Variants in FAHD2A observed in about 807,000 individuals in gnomAD.
The protein encoded by FAHD2A is oxaloacetate tautomerase FAHD2A, mitochondrial.
FAHD2A carries 27 observed loss-of-function variants against 33.4 expected under a neutral mutation model. The observed-to-expected ratio is 0.81, with a 90% CI of 0.60 to 1.11. FAHD2A has a LOEUF of 1.11. Among genes scored for constraint, FAHD2A ranks in the 50% most tolerant of loss-of-function variants. The pLI is 0.00. For missense variants in FAHD2A, 296 were observed against 395.0 expected (o/e 0.75, Z 2.12); for synonymous variants, 130 against 153.3 (o/e 0.85, Z 1.12).
chr2:95,414,104 A>C lies in FAHD2A; in HGVS notation c.*1147A>C, dbSNP rs1682924159. On this transcript the variant is annotated 3_prime_UTR_variant, in exon 8 of 8. Coordinates refer to ENST00000233379, the MANE Select transcript of FAHD2A (RefSeq NM_016044.3). Reference sequence around the variant, plus strand: ...TCTCTCCTCTTGTTTAAAGAAGCCCAGGGAGGGATAGATCTCCGACTGGAC... The same window carrying C: ...TCTCTCCTCTTGTTTAAAGAAGCCCCGGGAGGGATAGATCTCCGACTGGAC... 1 of 1,449,470 alleles carries C rather than the reference A, an allele frequency of 6.9e-7. No homozygotes were observed. Among genetic ancestry groups the C allele is most frequent in the East Asian group, 2.3e-5 (1 of 43,988 alleles). The allele number at this position is 1,449,470 out of a possible 1,614,324, so 89.8% of individuals were successfully genotyped here.
chr2:95,419,715 A>C (rs570950735), downstream of FAHD2A, among the ~76,000 whole-genome samples: 131 of 152,162 alleles, frequency 8.6e-4, no homozygotes, highest in Non-Finnish European at 1.0e-4. Flanking sequence ...AGTTCTCCAG[A>C]GAAACAGAAT....
At chr2:95,405,987 G>C (rs576445635) in intron 2 of FAHD2A, among the ~76,000 whole-genome samples, 184 bp downstream of exon 2, 1 of 151,950 alleles carries the variant, frequency 6.6e-6, no homozygotes, top group African/African-American at 2.4e-5. Flanking sequence ...TCAGTTTTCA[G>C]AGGAGAAAAC....
intron 1 of FAHD2A, among the ~76,000 whole-genome samples, chr2:95,403,869 C>T (rs560220996): frequency 3.3e-5 from 5 of 152,332 alleles, no homozygotes; most frequent in East Asian, 1.9e-4. Flanking sequence ...TGGCATTCAG[C>T]GGCAGCAGTT....
intron 3 of FAHD2A, among the ~76,000 whole-genome samples, chr2:95,409,273 T>C (rs1011734693): frequency 6.6e-6 from 1 of 152,144 alleles, no homozygotes; most frequent in African/African-American, 2.4e-5. Flanking sequence ...GATCCTGTGG[T>C]CATCCTGACT....
At position 95,412,901 on chromosome 2, in the gene FAHD2A, G is replaced by C; in HGVS notation, c.889G>C (p.Asp297His). The C allele has an allele frequency of 6.2e-7, 1 of 1,614,238 alleles. No individual in the cohort carries two copies. The highest frequency in any genetic ancestry group is 8.5e-7 in the Non-Finnish European group (1 of 1,180,052). The part of the protein sequence containing the change: ...RKPPVFLKKG[D>H]EVQCEIEELG... ...ATGGCCTGCTCTGTTGCAGAAGGGG[G>C]ATGAAGTCCAGTGTGAGATTGAAGA... Residue 297 changes from aspartate to histidine, a missense_variant, in exon 8 of 8, where the codon GAT becomes CAT. Asp to His is a moderately conservative substitution (Grantham distance 81, BLOSUM62 -1). Transcript: ENST00000233379.
At position 95,415,339 on chromosome 2, in the gene FAHD2A, A is replaced by C. The variant is rs991252744; in HGVS notation, c.*2382A>C. On this transcript the variant is annotated 3_prime_UTR_variant, in exon 8 of 8. Transcript: ENST00000233379. ...CCTCACTAACACCCGAGAAGCCCAGACTTCCCAGTGTTTAGCAACAGATTA... is the reference window on the plus strand; with the variant it reads ...CCTCACTAACACCCGAGAAGCCCAGCCTTCCCAGTGTTTAGCAACAGATTA... The C allele has an allele frequency of 6.6e-6, 1 of 152,094 alleles. No homozygotes were observed. Among genetic ancestry groups the C allele is most frequent in the Non-Finnish European group, 1.5e-5 (1 of 68,026 alleles). The allele number at this position is 152,094 out of a possible 1,614,324, so 9.4% of individuals were successfully genotyped here. A position where few individuals can be genotyped will look rare whatever the true frequency, so the allele number is the denominator to read the frequency against.
At position 95,413,725 on chromosome 2, in the gene FAHD2A, C is replaced by A; in HGVS notation, c.*768C>A. Reference sequence around the variant, plus strand: ...ATGCTGCCTCAAAGCAGCCCCAATACCCCACCTAGAAGGATGAGCCAGTGA... The same window carrying A: ...ATGCTGCCTCAAAGCAGCCCCAATAACCCACCTAGAAGGATGAGCCAGTGA... On this transcript the variant is annotated 3_prime_UTR_variant, in exon 8 of 8. Coordinates refer to ENST00000233379, the MANE Select transcript of FAHD2A (RefSeq NM_016044.3). 1.2e-6 allele frequency: 1 copy of A among 806,106 alleles called. No homozygotes were observed. Among genetic ancestry groups the A allele is most frequent in the Non-Finnish European group, 2.0e-6 (1 of 512,262 alleles). The allele number at this position is 806,106 out of a possible 1,614,324, so 49.9% of individuals were successfully genotyped here.
rs1461280771 is a variant in FAHD2A at position 95,414,119 on chromosome 2, T to C, written c.*1162T>C. 3.4e-6 allele frequency: 5 copies of C among 1,483,870 alleles called. No individual in the cohort carries two copies. The highest frequency in any genetic ancestry group is 1.8e-5 in the Admixed American group (1 of 55,212). 91.9% of individuals were successfully genotyped at this position (1,483,870 alleles called of 1,614,324 possible). A position where few individuals can be genotyped will look rare whatever the true frequency, so the allele number is the denominator to read the frequency against. On this transcript the variant is annotated 3_prime_UTR_variant, in exon 8 of 8. Coordinates refer to ENST00000233379, the MANE Select transcript of FAHD2A (RefSeq NM_016044.3). ...AAAGAAGCCCAGGGAGGGATAGATC[T>C]CCGACTGGACAGAAGACTACTCTGC...
chr2:95,406,587 T>C (rs1394165103), intron 2 of FAHD2A, among the ~76,000 whole-genome samples: 1 of 152,020 alleles, frequency 6.6e-6, no homozygotes, highest in Admixed American at 6.5e-5. Context: ...TAGTATGCTA[T>C]CATTTGCATA....
chr2:95,417,800 TTTATC>T (rs768620295), downstream of FAHD2A, among the ~76,000 whole-genome samples: 26 of 152,160 alleles, frequency 1.7e-4, no homozygotes, highest in East Asian at 5.8e-4. Flanking sequence ...AGTTTCATAT[TTTATC>T]TTATAAGGGC....
intron 5 of FAHD2A, 57 bp downstream of exon 5, chr2:95,411,083 C>A: frequency 1.3e-6 from 2 of 1,598,458 alleles, no homozygotes; most frequent in Non-Finnish European, 1.7e-6. Flanking sequence ...AACAGCGCTT[C>A]AGGGAGGAGC....
rs1219945136 is a variant in FAHD2A at position 95,410,578 on chromosome 2, C to T, written c.514C>T (p.His172Tyr). Residue 172 changes from histidine (H) to tyrosine (Y), a missense_variant, in exon 4 of 8, where the codon CAC (histidine) becomes TAC (tyrosine). By Grantham distance (83) the His-to-Tyr change is moderately conservative. Coordinates refer to ENST00000233379, the MANE Select transcript of FAHD2A (RefSeq NM_016044.3). ...CGTGGTCATTGGAAAGAAAGGCAAG[C>T]ACATCAAGGTGAGGTGGAAAGGGTG... ...LAVVIGKKGK[H>Y]IKATDAMAHV... The T allele has an allele frequency of 6.2e-7, 1 of 1,613,396 alleles. No homozygotes were observed. The highest frequency in any genetic ancestry group is 1.7e-5 in the Admixed American group (1 of 59,952).
In FAHD2A at chr2:95,413,946, C is replaced by T. The variant is rs926761082; in HGVS notation, c.*989C>T. ...AGCAGGGGGACAGAAGATGGTGACACTGGCTCCTCTCACCCCTAGGTCTCT... is the reference window on the plus strand; with the variant it reads ...AGCAGGGGGACAGAAGATGGTGACATTGGCTCCTCTCACCCCTAGGTCTCT... On this transcript the variant is annotated 3_prime_UTR_variant, in exon 8 of 8. Coordinates refer to ENST00000233379, the MANE Select transcript of FAHD2A (RefSeq NM_016044.3). 1 of 1,275,940 alleles carries T rather than the reference C, an allele frequency of 7.8e-7. No homozygotes were observed. Among genetic ancestry groups the T allele is most frequent in the African/African-American group, 1.5e-5 (1 of 68,226 alleles). 79.0% of individuals were successfully genotyped at this position (1,275,940 alleles called of 1,614,324 possible).
At chr2:95,408,722 G>C (rs1421605555) in intron 3 of FAHD2A, among the ~76,000 whole-genome samples, 1 of 152,214 alleles carries the variant, frequency 6.6e-6, no homozygotes, top group East Asian at 1.9e-4. Flanking sequence ...AATTATGGGA[G>C]CTACAAGTTG....
In FAHD2A at chr2:95,412,717, A is replaced by G. The variant is rs772523367; in HGVS notation, c.835A>G (p.Thr279Ala). 9 of 1,613,442 alleles carry G rather than the reference A, an allele frequency of 5.6e-6. No individual in the cohort carries two copies. The highest frequency in any genetic ancestry group is 2.2e-5 in the East Asian group (1 of 44,848). Residue 279 changes from threonine (T) to alanine (A), a missense_variant, in exon 7 of 8, where the codon ACC (threonine) becomes GCC (alanine). Thr to Ala is a moderately conservative substitution (Grantham distance 58). Coordinates refer to ENST00000233379, the MANE Select transcript of FAHD2A (RefSeq NM_016044.3). ...FYPGDVILTG[T>A]PPGVGVFRKP... ...CCCAGGGGATGTCATCCTAACTGGG[A>G]CCCCCCCAGGTGTCGGTGTATTCAG... is the stretch of plus-strand genomic sequence containing the variant.
At chr2:95,408,560 G>A (rs183982882) in intron 3 of FAHD2A, among the ~76,000 whole-genome samples, 81 of 152,316 alleles carry the variant, frequency 5.3e-4, no homozygotes, top group African/African-American at 1.6e-3. Context: ...TAGGTGGATA[G>A]CAGCAGGCAG....
intron 1 of FAHD2A, among the ~76,000 whole-genome samples, chr2:95,404,399 T>C (rs1681198029): frequency 6.6e-6 from 1 of 152,104 alleles, no homozygotes; most frequent in Non-Finnish European, 1.5e-5. Flanking sequence ...GTTCAAGCGA[T>C]TCTCGTGTCT....
At position 95,413,217 on chromosome 2, in the gene FAHD2A, A is replaced by G; in HGVS notation, c.*260A>G. ...TTGTGGGACTGGGGAAGAAGAGAGC[A>G]AATACACACACATATGCCAAAAAGA... On this transcript the variant is annotated 3_prime_UTR_variant, in exon 8 of 8. Transcript: ENST00000233379. The G allele has an allele frequency of 9.1e-7, 1 of 1,094,998 alleles. No individual in the cohort carries two copies. The highest frequency in any genetic ancestry group is 1.3e-6 in the Non-Finnish European group (1 of 776,676). The allele number at this position is 1,094,998 out of a possible 1,614,324, so 67.8% of individuals were successfully genotyped here.
At chr2:95,410,816 T>A in intron 4 of FAHD2A, 48 bp from the exon 5 acceptor site, 1 of 1,607,868 alleles carries the variant, frequency 6.2e-7, no homozygotes, top group Non-Finnish European at 8.5e-7. Context: ...GGTGTTGGTG[T>A]CACCCATGAT....
Sources: gnomAD v4.1 joint callset for allele counts (sites outside exome capture counted in the v4.1 genomes callset) on GRCh38, gnomAD v4.1.1 for gene constraint, MANE v1.5 for transcripts, NCBI Gene and HGNC (gene_info 2026-07-23, HGNC 2026-07-21) for gene names.